The following MIDEAS variants were observed in gnomAD, a reference collection of about 807,000 sequenced individuals.
The protein encoded by MIDEAS is mitotic deacetylase-associated SANT domain protein.
Under a neutral mutation model 102.7 loss-of-function variants are expected in MIDEAS, and 26 were observed. The ratio of observed to expected loss-of-function variants is 0.25; its 90% CI spans 0.19 to 0.35. The LOEUF (loss-of-function observed/expected upper bound fraction) is 0.35, where lower values mean the gene tolerates loss of function less well. Ranked by LOEUF, MIDEAS falls within the 10% of genes least tolerant of loss-of-function variation. The pLI is 1.00. For missense variants in MIDEAS, 1,231 were observed against 1,435.6 expected (o/e 0.86, Z 2.30); for synonymous variants, 585 against 591.0 (o/e 0.99, Z 0.15).
At chr14:73,756,027 G>C (rs2053474938) in intron 1 of MIDEAS, among the ~76,000 whole-genome samples, 1 of 152,192 alleles carries the variant, frequency 6.6e-6, no homozygotes, top group Non-Finnish European at 1.5e-5. Context: ...AATGCCCAAA[G>C]CCACACAGCA....
upstream of MIDEAS, chr14:73,787,428 G>C: frequency 6.6e-6 from 1 of 152,200 alleles, no homozygotes; most frequent in East Asian, 1.9e-4. Context: ...CGCCCTGGGA[G>C]GGAAGCCTCG....
At chr14:73,721,612 GC>G in intron 10 of MIDEAS, 103 bp from the exon 11 acceptor site, 1 of 1,019,622 alleles carries the variant, frequency 9.8e-7, no homozygotes, top group Non-Finnish European at 1.5e-6. Context: ...AGCTAGTCCT[GC>G]TCGCCTGGCT....
At chr14:73,755,320 G>A (rs2053466763) in intron 1 of MIDEAS, among the ~76,000 whole-genome samples, 1 of 152,072 alleles carries the variant, frequency 6.6e-6, no homozygotes, top group Admixed American at 6.5e-5. Context: ...GAGACCCCCA[G>A]CCCCACCCCA....
chr14:73,749,306 G>A (rs1381223743), intron 1 of MIDEAS, among the ~76,000 whole-genome samples: 14 of 148,936 alleles, frequency 9.4e-5, no homozygotes, highest in African/African-American at 3.5e-4. Flanking sequence ...GCCAAGGCCA[G>A]GAGGATCACT....
chr14:73,784,174 T>C (rs2053784606), intron 1 of MIDEAS, among the ~76,000 whole-genome samples: 1 of 152,248 alleles, frequency 6.6e-6, no homozygotes, highest in South Asian at 2.1e-4. Flanking sequence ...TTTTCACTGT[T>C]GTTCCTAATT....
intron 11 of MIDEAS, among the ~76,000 whole-genome samples, chr14:73,720,080 C>G (rs2052965193): frequency 6.6e-6 from 1 of 151,900 alleles, no homozygotes; most frequent in Non-Finnish European, 1.5e-5. Flanking sequence ...AGAAGTGGCA[C>G]CCTCATGGGA....
intron 1 of MIDEAS, among the ~76,000 whole-genome samples, chr14:73,782,780 G>A (rs552321255): frequency 6.6e-6 from 1 of 152,342 alleles, no homozygotes; most frequent in South Asian, 2.1e-4. Flanking sequence ...TGGGACAAAA[G>A]GAGCCAGGGC....
upstream of MIDEAS, among the ~76,000 whole-genome samples, chr14:73,789,275 T>G (rs566592964): frequency 1.3e-5 from 2 of 152,174 alleles, no homozygotes; most frequent in Non-Finnish European, 2.9e-5. Context: ...CTCTATGCCT[T>G]TCACTCTCTG....
intron 1 of MIDEAS, among the ~76,000 whole-genome samples, chr14:73,784,409 A>T (rs943064252): frequency 6.6e-6 from 1 of 152,248 alleles, no homozygotes; most frequent in African/African-American, 2.4e-5. Context: ...ACTGAAGGTG[A>T]GGGGCCTGCA....
In MIDEAS at chr14:73,739,854, G is replaced by A; in HGVS notation, c.155C>T (p.Pro52Leu). The A allele has an allele frequency of 6.3e-7, 1 of 1,598,330 alleles. No homozygotes were observed. The highest frequency in any genetic ancestry group is 8.5e-7 in the Non-Finnish European group (1 of 1,170,144). ...CTGAGAGGTGGAGACTGCCCCTCCTGGACCCTCGTGCCCGAGGTACTGCTC... is the reference window on the plus strand; with the variant it reads ...CTGAGAGGTGGAGACTGCCCCTCCTAGACCCTCGTGCCCGAGGTACTGCTC... The part of the protein sequence containing the change: ...KEEQYLGHEG[P>L]GGAVSTSQPV... Residue 52 changes from proline (P) to leucine (L), a missense_variant, in exon 2 of 13, where the codon CCA becomes CTA. Transcript: ENST00000423556.
rs373059349 is a variant in MIDEAS, at chr14:73,777,997, G to A, written c.-248+9105C>T. On this transcript the variant is annotated intron_variant, in intron 1 of 11. Transcript: ENST00000394071. ...TACCAAGCACAGAGCCAAGTACACAGTAAGGGCTCAATAAATGCATGAGTG... is the reference window on the plus strand; with the variant it reads ...TACCAAGCACAGAGCCAAGTACACAATAAGGGCTCAATAAATGCATGAGTG... Among the ~76,000 whole-genome samples the A allele has an allele frequency of 2.5e-4, 38 of 152,064 alleles. 1 individual carries two copies. The South Asian group carries it at 5.4e-3, about 22-fold the overall frequency.
intron 1 of MIDEAS, among the ~76,000 whole-genome samples, chr14:73,753,554 C>T (rs1235196960): frequency 2.6e-5 from 4 of 152,316 alleles, no homozygotes; most frequent in Non-Finnish European, 5.9e-5. Flanking sequence ...GCACAGGGTA[C>T]GCACTCAATA....
At chr14:73,761,490 G>C (rs991844552), upstream of MIDEAS, among the ~76,000 whole-genome samples, 1 of 152,098 alleles carries the variant, frequency 6.6e-6, no homozygotes, top group Non-Finnish European at 1.5e-5. Flanking sequence ...AGAGGAGAAG[G>C]GCTTATTTGC....
upstream of MIDEAS, among the ~76,000 whole-genome samples, chr14:73,764,845 G>A (rs1326924026): frequency 6.6e-6 from 1 of 150,920 alleles, no homozygotes; most frequent in Non-Finnish European, 1.5e-5. Context: ...CCCCTCCCCA[G>A]CCTCCCTGCC....
Position 73,739,903 on chromosome 14 carries a change from G to C in MIDEAS, c.106C>G (p.Gln36Glu), listed in dbSNP as rs756387848. The change falls in exon 2 of 13, where the codon CAG becomes GAG. Residue 36 changes from glutamine (Q) to glutamate (E), a missense_variant. Coordinates refer to ENST00000423556, the MANE Select transcript of MIDEAS (RefSeq NM_001367710.1). ...KEQPPPLQPP[Q>E]QSIRVKEEQY... ...TCCTCCTTCACTCTGATGGACTGCT[G>C]GGGGGGCTGCAGGGGAGGGGGCTGC... 3.9e-6 allele frequency: 6 copies of C among 1,552,206 alleles called. No individual in the cohort carries two copies. The highest frequency in any genetic ancestry group is 1.4e-5 in the African/African-American group (1 of 73,140).
At chr14:73,782,108 G>A (rs1269586101) in intron 1 of MIDEAS, among the ~76,000 whole-genome samples, 4 of 152,090 alleles carry the variant, frequency 2.6e-5, no homozygotes, top group East Asian at 1.9e-4. Flanking sequence ...TAGCTTATAC[G>A]TGCATTTTAT....
intron 3 of MIDEAS, among the ~76,000 whole-genome samples, chr14:73,731,428 G>A (rs1473732013): frequency 2.0e-5 from 3 of 151,474 alleles, no homozygotes; most frequent in African/African-American, 4.9e-5. Context: ...GGGATGAAAT[G>A]AAACTGTTCG....
At chr14:73,764,349 A>C (rs547400727), upstream of MIDEAS, among the ~76,000 whole-genome samples, 231 of 133,284 alleles carry the variant, frequency 1.7e-3, 5 homozygotes, top group South Asian at 0.02. Flanking sequence ...CAAAAAAAAA[A>C]AAAAAAAAAA....
At chr14:73,784,790 C>T (rs1204559172) in intron 1 of MIDEAS, among the ~76,000 whole-genome samples, 1 of 152,196 alleles carries the variant, frequency 6.6e-6, no homozygotes, top group Non-Finnish European at 1.5e-5. Context: ...AACCTCATTC[C>T]CCTGTGGCAA....
Sources: gnomAD v4.1 joint callset for allele counts (sites outside exome capture counted in the v4.1 genomes callset) on GRCh38, gnomAD v4.1.1 for gene constraint, MANE v1.5 for transcripts, NCBI Gene and HGNC (gene_info 2026-07-23, HGNC 2026-07-21) for gene names.